SAMD8: variants seen among roughly 807,000 people sequenced by gnomAD.
SAMD8 encodes sphingomyelin synthase-related protein 1.
Under a neutral mutation model 42.0 loss-of-function variants are expected in SAMD8, and 20 were observed. The ratio of observed to expected loss-of-function variants is 0.48; its 90% CI spans 0.34 to 0.69. SAMD8 has a LOEUF of 0.69. Ranked by LOEUF, SAMD8 falls within the 30% of genes least tolerant of loss-of-function variation. The probability of loss-of-function intolerance (pLI) is 0.01; values close to 1 mark genes in which losing one functional copy is unlikely to be tolerated. For synonymous variants in SAMD8, 162 were observed against 173.0 expected, an observed-to-expected ratio of 0.94 and a Z score of 0.50; for missense variants, 328 against 511.6, an observed-to-expected ratio of 0.64 and a Z score of 3.46.
intron 2 of SAMD8, among the ~76,000 whole-genome samples, chr10:75,157,772 A>G (rs974038966): frequency 5.3e-5 from 8 of 152,182 alleles, no homozygotes; most frequent in African/African-American, 1.4e-4. Context: ...GGAGAACTGG[A>G]TTTAAGCAGG....
In SAMD8 at chr10:75,179,724, G is replaced by A. The variant is rs951724416; in HGVS notation, c.*3032G>A. ...TTTTGTCCAGAAATTTCCAGATTTT[G>A]TCTTCATTTTTTTTCCTGGTTAAAA... is the stretch of plus-strand genomic sequence containing the variant. On this transcript the variant is annotated 3_prime_UTR_variant, in exon 6 of 6. Coordinates refer to ENST00000542569, the MANE Select transcript of SAMD8 (RefSeq NM_001174156.2). 3.3e-5 allele frequency: 5 copies of A among 152,112 alleles called. No homozygotes were observed. The highest frequency in any genetic ancestry group is 7.4e-5 in the Non-Finnish European group (5 of 68,018). The allele number at this position is 152,112 out of a possible 1,614,324, so 9.4% of individuals were successfully genotyped here. A position where few individuals can be genotyped will look rare whatever the true frequency, so the allele number is the denominator to read the frequency against.
At position 75,181,198 on chromosome 10, in the gene SAMD8, A is replaced by C. The variant is rs1381932455; in HGVS notation, c.*4506A>C. The C allele has an allele frequency of 6.6e-6, 1 of 152,224 alleles. No individual in the cohort carries two copies. Among genetic ancestry groups the C allele is most frequent in the Non-Finnish European group, 1.5e-5 (1 of 68,040 alleles). 9.4% of individuals were successfully genotyped at this position (152,224 alleles called of 1,614,324 possible). ...AGTTTCTAAGCCAGCAAAGGTGTCA[A>C]TTTTAATGCCAACTTGACAGTTTAA... On this transcript the variant is annotated 3_prime_UTR_variant, in exon 6 of 6. Transcript: ENST00000542569.
intron 4 of SAMD8, among the ~76,000 whole-genome samples, chr10:75,171,931 C>T (rs1840877512): frequency 6.6e-6 from 1 of 150,942 alleles, no homozygotes; most frequent in African/African-American, 2.4e-5. Context: ...GAGGCTGAGG[C>T]AGAAGAATCA....
At chr10:75,109,182 C>A (rs1376008104), upstream of SAMD8, 2 of 1,542,596 alleles carry the variant, frequency 1.3e-6, no homozygotes, top group Non-Finnish European at 1.7e-6. Flanking sequence ...ACCCCTCTGC[C>A]TCTGTGGTCA....
Position 75,164,691 on chromosome 10 carries a change from A to G in SAMD8, c.625A>G (p.Met209Val). Residue 209 changes from methionine (M) to valine (V), a missense_variant, in exon 3 of 6, where the codon ATG becomes GTG. Met to Val is a conservative substitution (Grantham distance 21). Coordinates refer to ENST00000542569, the MANE Select transcript of SAMD8 (RefSeq NM_001174156.2). The part of the protein sequence containing the change: ...WAFAMTEVCG[M>V]ILCYIWLLVL... ...CTTTGCCATGACGGAAGTATGTGGCATGATTCTGTGCTATATTTGGCTCCT... is the reference window on the plus strand; with the variant it reads ...CTTTGCCATGACGGAAGTATGTGGCGTGATTCTGTGCTATATTTGGCTCCT... The G allele has an allele frequency of 6.2e-7, 1 of 1,614,144 alleles. No individual in the cohort carries two copies. Among genetic ancestry groups the G allele is most frequent in the Non-Finnish European group, 8.5e-7 (1 of 1,180,014 alleles).
intron 1 of SAMD8, among the ~76,000 whole-genome samples, chr10:75,112,428 G>A (rs1367219197): frequency 6.6e-6 from 1 of 152,142 alleles, no homozygotes; most frequent in African/African-American, 2.4e-5. Flanking sequence ...AAGATCACTA[G>A]GGCAATGTAC....
intron 1 of SAMD8, among the ~76,000 whole-genome samples, chr10:75,144,088 C>G (rs1840082289): frequency 6.6e-6 from 1 of 151,890 alleles, no homozygotes; most frequent in Non-Finnish European, 1.5e-5. Context: ...CTGCCTCAGC[C>G]TCCAGAGTAG....
chr10:75,108,296 C>A, upstream of SAMD8: 1 of 1,498,112 alleles, frequency 6.7e-7, no homozygotes, highest in South Asian at 1.3e-5. Flanking sequence ...GCAGAGGGAC[C>A]GAGCCATTAG....
chr10:75,168,915 G>A (rs1054842466), intron 4 of SAMD8, among the ~76,000 whole-genome samples: 1 of 152,100 alleles, frequency 6.6e-6, no homozygotes, highest in Non-Finnish European at 1.5e-5. Context: ...GCTCATGCCT[G>A]TAATCCCAGC....
chr10:75,100,357 C>T (rs1010830760), intron 1 of SAMD8, among the ~76,000 whole-genome samples: 1 of 152,120 alleles, frequency 6.6e-6, no homozygotes, highest in Non-Finnish European at 1.5e-5. Flanking sequence ...GGTGTTGCCC[C>T]ACCTGTCCAC....
chr10:75,100,278 G>A (rs1186303009), intron 1 of SAMD8, among the ~76,000 whole-genome samples: 3 of 152,112 alleles, frequency 2.0e-5, no homozygotes, highest in Non-Finnish European at 4.4e-5. Flanking sequence ...TCTGAAGAAC[G>A]GGGCTCTCCC....
At chr10:75,136,493 C>G (rs1377821932) in intron 1 of SAMD8, among the ~76,000 whole-genome samples, 1 of 152,154 alleles carries the variant, frequency 6.6e-6, no homozygotes, top group South Asian at 2.1e-4. Context: ...AGCTTGAAGC[C>G]TTGACCTTTG....
Position 75,178,378 on chromosome 10 carries a change from CT to C in SAMD8, c.*1687del, listed in dbSNP as rs1411334663. 2 of 152,182 alleles carry C rather than the reference CT, an allele frequency of 1.3e-5. No individual in the cohort carries two copies. The highest frequency in any genetic ancestry group is 2.9e-5 in the Non-Finnish European group (2 of 68,040). The allele number at this position is 152,182 out of a possible 1,614,324, so 9.4% of individuals were successfully genotyped here. ...CATGCTAGGAACAAAATGCCAACAT[CT>C]CATGTAAAGAAGTTGCATAATCATG... On this transcript the variant is annotated 3_prime_UTR_variant, in exon 6 of 6. Transcript: ENST00000542569.
Position 75,176,952 on chromosome 10 carries a change from A to T in SAMD8, c.*260A>T. 2.6e-6 allele frequency: 1 copy of T among 382,486 alleles called. No homozygotes were observed. Among genetic ancestry groups the T allele is most frequent in the Non-Finnish European group, 4.7e-6 (1 of 213,394 alleles). The allele number at this position is 382,486 out of a possible 1,614,324, so 23.7% of individuals were successfully genotyped here. A position where few individuals can be genotyped will look rare whatever the true frequency, so the allele number is the denominator to read the frequency against. On this transcript the variant is annotated 3_prime_UTR_variant, in exon 6 of 6. Transcript: ENST00000542569. The surrounding 1 kb of genome is among the most constrained non-coding windows in gnomAD (Gnocchi z 4.3). Reference sequence around the variant, plus strand: ...AAGACTTAATGTTGTGATTGAAGTCAGGCTGTACCCTTACCTGTTGAGTAT... The same window carrying T: ...AAGACTTAATGTTGTGATTGAAGTCTGGCTGTACCCTTACCTGTTGAGTAT...
intron 1 of SAMD8, among the ~76,000 whole-genome samples, chr10:75,141,622 A>G (rs781597991): frequency 6.6e-6 from 1 of 150,632 alleles, no homozygotes; most frequent in African/African-American, 2.4e-5. Flanking sequence ...GCTCACTGCA[A>G]GCTCCGTCTC....
chr10:75,146,528 C>T (rs374659705), intron 1 of SAMD8, among the ~76,000 whole-genome samples: 15 of 152,088 alleles, frequency 9.9e-5, no homozygotes, highest in African/African-American at 2.2e-4. Context: ...TCAGGTGATC[C>T]GCCCACCTCA....
At chr10:75,147,939 T>C (rs1840181910) in intron 1 of SAMD8, among the ~76,000 whole-genome samples, 1 of 152,216 alleles carries the variant, frequency 6.6e-6, no homozygotes, top group African/African-American at 2.4e-5. Context: ...GGTGATGATA[T>C]GCTACAGCTA....
intron 1 of SAMD8, among the ~76,000 whole-genome samples, chr10:75,134,635 C>CCT (rs1849345464): frequency 1.3e-5 from 2 of 151,684 alleles, no homozygotes; most frequent in African/African-American, 4.8e-5. Flanking sequence ...ACTTTCCCCC[C>CCT]CCCAAAAAAA....
chr10:75,123,425 G>A (rs540801786), intron 1 of SAMD8, among the ~76,000 whole-genome samples: 1 of 152,284 alleles, frequency 6.6e-6, no homozygotes, highest in African/African-American at 2.4e-5. Flanking sequence ...AAGAGAGGGG[G>A]AGAGACTTGT....
Sources: gnomAD v4.1 joint callset for allele counts (sites outside exome capture counted in the v4.1 genomes callset) on GRCh38, gnomAD v4.1.1 for gene constraint, Gnocchi (gnomAD v3.1) non-coding constraint, MANE v1.5 for transcripts, NCBI Gene and HGNC (gene_info 2026-07-23, HGNC 2026-07-21) for gene names.